ACTR2: variants seen among roughly 807,000 people sequenced by gnomAD.
ACTR2 encodes actin related protein 2.
In ACTR2, 5 loss-of-function variants were observed where a neutral mutation model predicts 50.2. That is an observed-to-expected ratio of 0.10 (90% CI 0.05 to 0.21). ACTR2 has a LOEUF of 0.21. Among genes scored for constraint, ACTR2 ranks in the 10% least tolerant of loss-of-function variants. The probability of loss-of-function intolerance (pLI) is 1.00; values close to 1 mark genes in which losing one functional copy is unlikely to be tolerated. For missense variants in ACTR2, 180 were observed against 480.6 expected, an observed-to-expected ratio of 0.37 and a Z score of 5.85; for synonymous variants, 140 against 162.9, an observed-to-expected ratio of 0.86 and a Z score of 1.07.
In ACTR2 at chr2:65,271,074, G is replaced by T. The variant is rs757334204; in HGVS notation, c.*2340G>T. On this transcript the variant is annotated 3_prime_UTR_variant, in exon 9 of 9. Coordinates refer to ENST00000260641, the MANE Select transcript of ACTR2 (RefSeq NM_005722.4). ...ATTTAGTAAAGTCCCCAAGACATTAGTCTTACATTTAAACTTTTTTCTTTA... is the reference window on the plus strand; with the variant it reads ...ATTTAGTAAAGTCCCCAAGACATTATTCTTACATTTAAACTTTTTTCTTTA... The T allele has an allele frequency of 3.3e-5, 5 of 152,100 alleles. No homozygotes were observed. Among genetic ancestry groups the T allele is most frequent in the African/African-American group, 4.8e-5 (2 of 41,434 alleles). The allele number at this position is 152,100 out of a possible 1,614,324, so 9.4% of individuals were successfully genotyped here.
intron 1 of ACTR2, among the ~76,000 whole-genome samples, chr2:65,238,285 A>C (rs1014588464): frequency 6.6e-6 from 1 of 152,232 alleles, no homozygotes. Flanking sequence ...AAGTCTTATC[A>C]CAATGATATG....
intron 1 of ACTR2, among the ~76,000 whole-genome samples, chr2:65,229,768 A>AAAAG (rs1558618382): frequency 1.3e-5 from 2 of 151,604 alleles, no homozygotes; most frequent in African/African-American, 4.8e-5. Context: ...AAAAAAAAAA[A>AAAAG]AAAGAAAAAC....
Position 65,239,589 on chromosome 2 carries a change from C to T in ACTR2, c.49-263C>T, listed in dbSNP as rs575459248. 7.2e-5 allele frequency among the ~76,000 whole-genome samples: 11 copies of T among 152,366 alleles called. No individual in the cohort carries two copies. The South Asian group carries it at 2.3e-3, about 32-fold the overall frequency. ...AGCACGAACTGCTCAGCTTAGCTCCCTGCTCTTATGAGGCTTTTGGTCTAG... is the reference window on the plus strand; with the variant it reads ...AGCACGAACTGCTCAGCTTAGCTCCTTGCTCTTATGAGGCTTTTGGTCTAG... On this transcript the variant is annotated intron_variant, in intron 1 of 8. Transcript: ENST00000260641.
chr2:65,246,363 A>G (rs1351148772), intron 2 of ACTR2, 161 bp from the exon 3 acceptor site: 2 of 571,036 alleles, frequency 3.5e-6, no homozygotes, highest in East Asian at 3.1e-5. Context: ...ATTATCCATG[A>G]TTAAACTTTC....
At position 65,270,207 on chromosome 2, in the gene ACTR2, T is replaced by A. The variant is rs1020085721; in HGVS notation, c.*1473T>A. ...TTTTCTTCATTTTAAAACTTTTTTT[T>A]AACTAATAATAGCTTTGAAAGAAGA... On this transcript the variant is annotated 3_prime_UTR_variant, in exon 9 of 9. Transcript: ENST00000260641. The A allele has an allele frequency of 5.3e-5, 8 of 151,020 alleles. No individual in the cohort carries two copies. Among genetic ancestry groups the A allele is most frequent in the African/African-American group, 7.3e-5 (3 of 40,936 alleles). The allele number at this position is 151,020 out of a possible 1,614,324, so 9.4% of individuals were successfully genotyped here. A position where few individuals can be genotyped will look rare whatever the true frequency, so the allele number is the denominator to read the frequency against.
chr2:65,261,740 T>C (rs1672273677), intron 7 of ACTR2, among the ~76,000 whole-genome samples: 2 of 152,238 alleles, frequency 1.3e-5, no homozygotes, highest in Non-Finnish European at 2.9e-5. Flanking sequence ...TCAGATCCTT[T>C]GGAGATACAC....
intron 1 of ACTR2, among the ~76,000 whole-genome samples, chr2:65,234,158 C>T (rs564501462): frequency 1.3e-5 from 2 of 151,954 alleles, no homozygotes; most frequent in East Asian, 1.9e-4. Flanking sequence ...GCAATCCACC[C>T]ACTTTGGCTT....
chr2:65,250,172 G>A (rs1044613963), intron 3 of ACTR2, among the ~76,000 whole-genome samples: 12 of 151,986 alleles, frequency 7.9e-5, no homozygotes, highest in African/African-American at 2.7e-4. Context: ...AGACCATCCT[G>A]GCTAACACGG....
At chr2:65,231,255 G>T (rs1398506537) in intron 1 of ACTR2, among the ~76,000 whole-genome samples, 2 of 152,092 alleles carry the variant, frequency 1.3e-5, no homozygotes, top group East Asian at 3.8e-4. Flanking sequence ...GACATGATTG[G>T]TTTCAAATGA....
intron 8 of ACTR2, among the ~76,000 whole-genome samples, chr2:65,267,852 T>C (rs1672403619): frequency 1.4e-5 from 2 of 144,326 alleles, no homozygotes; most frequent in South Asian, 2.2e-4. Flanking sequence ...GAAGAAGTCA[T>C]GCAAGTCCTC....
In ACTR2 at chr2:65,242,522, G is replaced by T. The variant is rs531269531; in HGVS notation, c.159+2560G>T. On this transcript the variant is annotated intron_variant, in intron 2 of 8. Coordinates refer to ENST00000260641, the MANE Select transcript of ACTR2 (RefSeq NM_005722.4). ...TTGCATCTAGTGTGGTATCATATGT[G>T]TACTTAATAAACTGAGTAAAATTTT... The T allele has an allele frequency of 6.9e-5, 27 of 391,790 alleles. No individual in the cohort carries two copies. The East Asian group carries it at 1.9e-3, about 27-fold the overall frequency. 24.3% of individuals were successfully genotyped at this position (391,790 alleles called of 1,614,324 possible).
intron 2 of ACTR2, among the ~76,000 whole-genome samples, chr2:65,243,963 T>G (rs1238429476): frequency 6.6e-6 from 1 of 152,198 alleles, no homozygotes; most frequent in Admixed American, 6.5e-5. Flanking sequence ...ATTTTTTTAT[T>G]AAAATTTTCG....
chr2:65,243,911 T>G (rs1377748423), intron 2 of ACTR2, among the ~76,000 whole-genome samples: 1 of 152,184 alleles, frequency 6.6e-6, no homozygotes, highest in Admixed American at 6.6e-5. Context: ...ACTTATAACT[T>G]GGTTCTGAGT....
intron 7 of ACTR2, among the ~76,000 whole-genome samples, chr2:65,262,572 CCT>C (rs1672289342): frequency 1.3e-5 from 2 of 151,924 alleles, no homozygotes; most frequent in Non-Finnish European, 2.9e-5. Context: ...GCCAAATTTC[CCT>C]CTCTGGCAAT....
At chr2:65,250,672 C>CAA (rs368589131) in intron 3 of ACTR2, among the ~76,000 whole-genome samples, 2,029 of 83,576 alleles carry the variant, frequency 0.024, 96 homozygotes, top group African/African-American at 0.037. Flanking sequence ...GACTTCATCT[C>CAA]AAAAAAAAAA....
chr2:65,237,576 C>T (rs2103986625), intron 1 of ACTR2, among the ~76,000 whole-genome samples: 2 of 152,218 alleles, frequency 1.3e-5, no homozygotes, highest in Middle Eastern at 6.8e-3. Flanking sequence ...AACTGCCGGG[C>T]ACAGTGGCTC....
intron 1 of ACTR2, among the ~76,000 whole-genome samples, chr2:65,236,216 G>C (rs1457300831): frequency 1.3e-5 from 2 of 151,926 alleles, no homozygotes; most frequent in Non-Finnish European, 2.9e-5. Flanking sequence ...GCAGGCGCCT[G>C]TAGTCCCAGC....
At chr2:65,247,342 A>G (rs1024782032) in intron 3 of ACTR2, among the ~76,000 whole-genome samples, 1 of 152,024 alleles carries the variant, frequency 6.6e-6, no homozygotes, top group African/African-American at 2.4e-5. Context: ...TAATCTCAGC[A>G]CTTTGGGAGG....
At chr2:65,260,421 G>A (rs1188211187) in intron 6 of ACTR2, among the ~76,000 whole-genome samples, 1 of 152,160 alleles carries the variant, frequency 6.6e-6, no homozygotes, top group Non-Finnish European at 1.5e-5. Context: ...CAGGAGAATT[G>A]CTTGAACCTA....
Sources: gnomAD v4.1 joint callset for allele counts (sites outside exome capture counted in the v4.1 genomes callset) on GRCh38, gnomAD v4.1.1 for gene constraint, MANE v1.5 for transcripts, NCBI Gene and HGNC (gene_info 2026-07-23, HGNC 2026-07-21) for gene names.